Variants in TRPM6 observed in about 807,000 individuals in gnomAD.
TRPM6 encodes channel kinase 2.
TRPM6 carries 111 observed loss-of-function variants against 247.6 expected under a neutral mutation model. The observed-to-expected ratio is 0.45, with a 90% CI of 0.38 to 0.52. The LOEUF (loss-of-function observed/expected upper bound fraction) is 0.52. Ranked by LOEUF, TRPM6 falls within the 20% of genes least tolerant of loss-of-function variation. The probability of loss-of-function intolerance (pLI) is 0.00; values close to 1 mark genes in which losing one functional copy is unlikely to be tolerated. For missense variants in TRPM6, 2,126 were observed against 2,421.5 expected (o/e 0.88, Z 2.56); for synonymous variants, 892 against 853.8 (o/e 1.04, Z -0.78).
chr9:74,881,445 C>T (rs980993371), intron 1 of TRPM6, among the ~76,000 whole-genome samples: 2 of 151,980 alleles, frequency 1.3e-5, no homozygotes, highest in Non-Finnish European at 2.9e-5. Flanking sequence ...ATATATAAAG[C>T]AAATATTATT....
At chr9:74,774,955 G>A in intron 24 of TRPM6, among the ~76,000 whole-genome samples, 1 of 152,158 alleles carries the variant, frequency 6.6e-6, no homozygotes, top group East Asian at 1.9e-4. Context: ...TTAGGAATTG[G>A]GAAGAGGATT....
chr9:74,847,514 T>C (rs1002330834), intron 3 of TRPM6, among the ~76,000 whole-genome samples: 25 of 152,160 alleles, frequency 1.6e-4, no homozygotes, highest in African/African-American at 5.8e-4. Context: ...CAGGCTGCTC[T>C]GATGGTAGTA....
intron 1 of TRPM6, among the ~76,000 whole-genome samples, chr9:74,863,658 T>G (rs1444707697): frequency 6.6e-6 from 1 of 152,134 alleles, no homozygotes; most frequent in East Asian, 1.9e-4. Flanking sequence ...CTCGGCTCAC[T>G]GCGAGCTCCG....
rs551891350 is a variant in TRPM6 at position 74,839,102 on chromosome 9, C to T, written c.544+922G>A. Among the ~76,000 whole-genome samples, 14 of 130,882 alleles carry T rather than the reference C, an allele frequency of 1.1e-4. No individual in the cohort carries two copies. In the South Asian group the frequency reaches 3.3e-3, roughly 31 times the overall value. 85.9% of individuals were successfully genotyped at this position (130,882 alleles called of 152,430 possible). A position where few individuals can be genotyped will look rare whatever the true frequency, so the allele number is the denominator to read the frequency against. ...TCCAGCCTGGGTGACAAGAGCGAGA[C>T]TTCATCTCAAAAAAAAAAAAAAAAA... On this transcript the variant is annotated intron_variant, in intron 5 of 38. Transcript: ENST00000360774.
At chr9:74,837,256 G>A (rs1829755502) in intron 5 of TRPM6, among the ~76,000 whole-genome samples, 1 of 152,162 alleles carries the variant, frequency 6.6e-6, no homozygotes, top group Admixed American at 6.5e-5. Flanking sequence ...AAACGTGCAC[G>A]GGAATCATCT....
At position 74,809,910 on chromosome 9, in the gene TRPM6, C is replaced by T. The variant is rs554134711; in HGVS notation, c.1497+905G>A. On this transcript the variant is annotated intron_variant, in intron 13 of 38. Transcript: ENST00000360774. ...CAGGAGAATCACTTGAACCAAGAGG[C>T]GGAGGTTGCAGTGAGCCAAGATCCC... Among the ~76,000 whole-genome samples, 325 of 128,288 alleles carry T rather than the reference C, an allele frequency of 2.5e-3. 1 individual carries two copies. Among genetic ancestry groups the T allele is most frequent in the Non-Finnish European group, 4.3e-3 (272 of 63,884 alleles). 84.2% of individuals were successfully genotyped at this position (128,288 alleles called of 152,430 possible).
At chr9:74,851,617 T>C (rs920345999) in intron 3 of TRPM6, among the ~76,000 whole-genome samples, 1 of 151,394 alleles carries the variant, frequency 6.6e-6, no homozygotes, top group Non-Finnish European at 1.5e-5. Context: ...GGCGTGGTGG[T>C]GGGCGCCTGT....
At chr9:74,855,614 A>T (rs771779444) in intron 2 of TRPM6, 49 bp from the exon 3 acceptor site, 39 of 1,165,076 alleles carry the variant, frequency 3.3e-5, no homozygotes, top group African/African-American at 1.5e-5. Flanking sequence ...GTATCTGAAA[A>T]TACATTTAAT....
intron 20 of TRPM6, 90 bp from the exon 21 acceptor site, chr9:74,786,215 G>GA: frequency 2.1e-6 from 3 of 1,459,270 alleles, no homozygotes; most frequent in Non-Finnish European, 2.9e-6. Context: ...ACCATTCACT[G>GA]AAAGAGTAAT....
intron 25 of TRPM6, among the ~76,000 whole-genome samples, chr9:74,765,789 C>T (rs956763351): frequency 2.0e-5 from 3 of 152,176 alleles, no homozygotes; most frequent in African/African-American, 7.2e-5. Flanking sequence ...AAAGATCTTC[C>T]ACTTCCTCTT....
At chr9:74,887,635 G>C in intron 1 of TRPM6, 189 bp downstream of exon 1, 2 of 1,563,994 alleles carry the variant, frequency 1.3e-6, no homozygotes, top group Non-Finnish European at 1.7e-6. Context: ...CACTACCTTA[G>C]ATAGGATAAT....
intron 13 of TRPM6, among the ~76,000 whole-genome samples, chr9:74,810,343 G>C (rs980699096): frequency 6.6e-6 from 1 of 152,166 alleles, no homozygotes; most frequent in Non-Finnish European, 1.5e-5. Flanking sequence ...GTATAGAACA[G>C]GGAGGGGAAC....
chr9:74,754,341 T>C (rs1306154657), intron 28 of TRPM6, among the ~76,000 whole-genome samples: 1 of 152,174 alleles, frequency 6.6e-6, no homozygotes, highest in African/African-American at 2.4e-5. Context: ...TTTTTAAACA[T>C]AAAATCAGGG....
chr9:74,734,693 G>A (rs1433677213), intron 36 of TRPM6, among the ~76,000 whole-genome samples: 9 of 152,150 alleles, frequency 5.9e-5, no homozygotes, highest in Admixed American at 5.2e-4. Flanking sequence ...AACTTCTTGT[G>A]AAGTGAAATT....
chr9:74,752,804 T>C (rs1210718344), intron 28 of TRPM6, among the ~76,000 whole-genome samples: 1 of 151,994 alleles, frequency 6.6e-6, no homozygotes, highest in Non-Finnish European at 1.5e-5. Context: ...GTAGGCTACT[T>C]AAAAAGAACA....
intron 1 of TRPM6, chr9:74,887,168 G>T (rs1831557943): frequency 9.2e-7 from 1 of 1,087,184 alleles, no homozygotes; most frequent in Non-Finnish European, 1.2e-6. Flanking sequence ...GACTCCTGAG[G>T]TTGCAAGTCC....
At chr9:74,832,702 G>T (rs1477951046) in intron 6 of TRPM6, among the ~76,000 whole-genome samples, 1 of 152,202 alleles carries the variant, frequency 6.6e-6, no homozygotes, top group African/African-American at 2.4e-5. Flanking sequence ...ACATAGAAAA[G>T]AGTTCATTTT....
intron 1 of TRPM6, among the ~76,000 whole-genome samples, chr9:74,871,662 C>T (rs1268029120): frequency 6.6e-6 from 1 of 152,108 alleles, no homozygotes; most frequent in East Asian, 1.9e-4. Context: ...CAGATTTCCA[C>T]ATTCCCCTCC....
intron 25 of TRPM6, among the ~76,000 whole-genome samples, chr9:74,769,876 T>C (rs1435813966): frequency 6.6e-6 from 1 of 152,082 alleles, no homozygotes; most frequent in African/African-American, 2.4e-5. Flanking sequence ...AAAGCAGGAC[T>C]TCATCCCAGC....
Sources: allele counts gnomAD v4.1 joint callset (sites outside exome capture counted in the v4.1 genomes callset), GRCh38; gene constraint gnomAD v4.1.1; transcripts MANE v1.5; gene names NCBI Gene and HGNC (gene_info 2026-07-23, HGNC 2026-07-21).